Variants in PCTP observed in about 807,000 individuals in gnomAD.
The protein encoded by PCTP is phosphatidylcholine transfer protein.
In PCTP, 27 loss-of-function variants were observed where a neutral mutation model predicts 31.0. The ratio of observed to expected loss-of-function variants is 0.87; its 90% CI spans 0.64 to 1.20. The LOEUF (loss-of-function observed/expected upper bound fraction) is 1.20, where lower values mean the gene tolerates loss of function less well. Ranked by LOEUF, PCTP falls within the 50% of genes most tolerant of loss-of-function variation. The probability of loss-of-function intolerance (pLI) is 0.00; values close to 1 mark genes in which losing one functional copy is unlikely to be tolerated. For synonymous variants in PCTP, 108 were observed against 101.2 expected, an observed-to-expected ratio of 1.07 and a Z score of -0.40; for missense variants, 287 against 268.2, an observed-to-expected ratio of 1.07 and a Z score of -0.49.
At chr17:55,763,743 G>A (rs1434668447) in intron 1 of PCTP, among the ~76,000 whole-genome samples, 1 of 151,990 alleles carries the variant, frequency 6.6e-6, no homozygotes, top group African/African-American at 2.4e-5. Flanking sequence ...AATTCTTTTT[G>A]TCATTTTTAT....
At chr17:55,809,789 G>A (rs1200052861) in intron 3 of PCTP, among the ~76,000 whole-genome samples, 1 of 152,122 alleles carries the variant, frequency 6.6e-6, no homozygotes, top group Non-Finnish European at 1.5e-5. Flanking sequence ...CCAAAATGCT[G>A]GGATTACAGG....
chr17:55,782,330 A>G (rs1229753241), downstream of PCTP, among the ~76,000 whole-genome samples: 1 of 152,204 alleles, frequency 6.6e-6, no homozygotes, highest in African/African-American at 2.4e-5. Flanking sequence ...TGGACAGCCC[A>G]TAGCCTAGTC....
At chr17:55,838,840 A>G (rs1469324674) in intron 5 of PCTP, among the ~76,000 whole-genome samples, 1 of 152,198 alleles carries the variant, frequency 6.6e-6, no homozygotes, top group Non-Finnish European at 1.5e-5. Flanking sequence ...TAAATGAGCT[A>G]TTTAACCTAT....
chr17:55,818,629 T>C (rs1165346095), intron 3 of PCTP, among the ~76,000 whole-genome samples: 2 of 152,130 alleles, frequency 1.3e-5, no homozygotes, highest in East Asian at 3.8e-4. Context: ...GGTCATGAAA[T>C]ATTTGTGGAA....
chr17:55,840,955 G>A (rs1346811565), intron 5 of PCTP, among the ~76,000 whole-genome samples: 3 of 152,120 alleles, frequency 2.0e-5, no homozygotes, highest in African/African-American at 4.8e-5. Context: ...CAAGAGTTTC[G>A]GATAAGGGAT....
intron 5 of PCTP, among the ~76,000 whole-genome samples, chr17:55,830,227 G>A (rs996131422): frequency 7.2e-5 from 11 of 152,182 alleles, no homozygotes; most frequent in African/African-American, 2.2e-4. Context: ...AGATTTGACT[G>A]TGCTGCGGGG....
chr17:55,834,136 T>C (rs941926904), intron 5 of PCTP, among the ~76,000 whole-genome samples: 30 of 152,120 alleles, frequency 2.0e-4, no homozygotes, highest in Admixed American at 3.3e-4. Context: ...ACCCCTACTT[T>C]CCTCTTGTAT....
chr17:55,842,106 G>T (rs1312016566), intron 5 of PCTP, among the ~76,000 whole-genome samples: 2 of 152,142 alleles, frequency 1.3e-5, no homozygotes, highest in African/African-American at 4.8e-5. Flanking sequence ...AAAAGTCTTT[G>T]TCCTTGTGAA....
At chr17:55,847,688 G>A (rs556291866), downstream of PCTP, among the ~76,000 whole-genome samples, 1 of 152,298 alleles carries the variant, frequency 6.6e-6, no homozygotes, top group South Asian at 2.1e-4. Context: ...CTCAAGAAGA[G>A]GTGATGTTTC....
At chr17:55,829,213 A>G (rs1315699788) in intron 5 of PCTP, among the ~76,000 whole-genome samples, 6 of 91,572 alleles carry the variant, frequency 6.6e-5, no homozygotes, top group Admixed American at 1.0e-4. Flanking sequence ...CCAATATGTG[A>G]AAAAAAAAAA....
chr17:55,799,134 A>G (rs1567724475), intron 3 of PCTP, among the ~76,000 whole-genome samples: 1 of 152,004 alleles, frequency 6.6e-6, no homozygotes, highest in East Asian at 1.9e-4. Flanking sequence ...GGAGAGAAAA[A>G]GGACATAGAA....
At position 55,838,544 on chromosome 17, in the gene PCTP, C is replaced by T. The variant is rs1456630213; in HGVS notation, n.506-4183C>T. 4.6e-5 allele frequency among the ~76,000 whole-genome samples: 7 copies of T among 152,278 alleles called. 1 individual carries two copies. The highest frequency in any genetic ancestry group is 4.6e-4 in the Admixed American group (7 of 15,296). On this transcript the variant is annotated intron_variant and non_coding_transcript_variant, in intron 5 of 5. Transcript: ENST00000576221. ...TTGTCTCAGTTAATTTCTCTTCCCT[C>T]ACTAGATTGTAAGCTCTGTGAGGGA...
At chr17:55,777,499 G>T (rs1431061341), downstream of PCTP, 19 of 741,992 alleles carry the variant, frequency 2.6e-5, 1 homozygote, top group Non-Finnish European at 3.1e-5. Flanking sequence ...ATAATTTTGG[G>T]CTTACTTATA....
At chr17:55,800,901 G>A (rs975861042) in intron 3 of PCTP, among the ~76,000 whole-genome samples, 2 of 152,002 alleles carry the variant, frequency 1.3e-5, no homozygotes, top group Non-Finnish European at 2.9e-5. Flanking sequence ...AGGTCTGCTG[G>A]AGTTTGCTGG....
chr17:55,851,676 A>G, the PCTP span, among the ~76,000 whole-genome samples: 1 of 152,206 alleles, frequency 6.6e-6, no homozygotes, highest in African/African-American at 2.4e-5. Flanking sequence ...TCATAAGATG[A>G]AGGGACTTAT....
chr17:55,816,201 T>C (rs1445177073), intron 3 of PCTP, among the ~76,000 whole-genome samples: 1 of 152,210 alleles, frequency 6.6e-6, no homozygotes, highest in African/African-American at 2.4e-5. Flanking sequence ...TAATCAATTT[T>C]ATAACATTTT....
chr17:55,810,516 C>T (rs1347815008), intron 3 of PCTP, among the ~76,000 whole-genome samples: 3 of 152,166 alleles, frequency 2.0e-5, no homozygotes, highest in Non-Finnish European at 4.4e-5. Context: ...TAGGAAGCTC[C>T]TTCATTGTAT....
chr17:55,811,437 C>T (rs758266858), intron 3 of PCTP, among the ~76,000 whole-genome samples: 2 of 152,070 alleles, frequency 1.3e-5, no homozygotes, highest in Non-Finnish European at 2.9e-5. Flanking sequence ...AAACTGAGTC[C>T]TAGGCAGTGT....
chr17:55,771,238 CCTCAGCT>C (rs1567715581), intron 3 of PCTP, 53 bp downstream of exon 3: 1 of 1,380,846 alleles, frequency 7.2e-7, no homozygotes, highest in Non-Finnish European at 1.0e-6. Flanking sequence ...TTTCTGTGTT[CCTCAGCT>C]GCAGTCTATT....
Sources: allele counts gnomAD v4.1 joint callset (sites outside exome capture counted in the v4.1 genomes callset), GRCh38; gene constraint gnomAD v4.1.1; transcripts MANE v1.5; gene names NCBI Gene and HGNC (gene_info 2026-07-23, HGNC 2026-07-21).